The following CACNA2D3 variants were observed in gnomAD, a reference collection of about 807,000 sequenced individuals.
CACNA2D3 encodes the protein calcium voltage-gated channel auxiliary subunit alpha2delta 3, also known as voltage-dependent calcium channel subunit alpha-2/delta-3.
In CACNA2D3, 60 loss-of-function variants were observed where a neutral mutation model predicts 160.6. That is an observed-to-expected ratio of 0.37 (90% CI 0.30 to 0.46). The LOEUF (loss-of-function observed/expected upper bound fraction) is 0.46, where lower values mean the gene tolerates loss of function less well. Among genes scored for constraint, CACNA2D3 ranks in the 20% least tolerant of loss-of-function variants. The pLI is 1.00. For missense variants in CACNA2D3, 1,205 were observed against 1,365.0 expected (o/e 0.88, Z 1.85); for synonymous variants, 558 against 492.9 (o/e 1.13, Z -1.75).
chr3:54,235,359 C>T (rs1414702039), intron 2 of CACNA2D3, among the ~76,000 whole-genome samples: 6 of 152,190 alleles, frequency 3.9e-5, no homozygotes, highest in Admixed American at 3.3e-4. Context: ...GCTGCATCTG[C>T]TCGGCTTCTG....
intron 11 of CACNA2D3, among the ~76,000 whole-genome samples, chr3:54,744,171 T>C (rs1368379894): frequency 6.6e-6 from 1 of 152,210 alleles, no homozygotes; most frequent in Non-Finnish European, 1.5e-5. Context: ...GAATAGCTGA[T>C]ATCTGCTCTG....
rs756597920 is a variant in CACNA2D3, at chr3:54,333,187, C to T, written c.321+12629C>T. Among the ~76,000 whole-genome samples, 23 of 151,924 alleles carry T rather than the reference C, an allele frequency of 1.5e-4. No individual in the cohort carries two copies. The Middle Eastern group carries it at 0.01, about 67-fold the overall frequency. ...TGTGGTGGAATAGAGGTGGTCGATT[C>T]ATGTGTTTATTTCAATGTCTTCCTC... On this transcript the variant is annotated intron_variant, in intron 3 of 37. Coordinates refer to ENST00000474759, the MANE Select transcript of CACNA2D3 (RefSeq NM_018398.3).
At chr3:54,414,387 A>G (rs866700552) in intron 4 of CACNA2D3, among the ~76,000 whole-genome samples, 1 of 152,144 alleles carries the variant, frequency 6.6e-6, no homozygotes, top group Admixed American at 6.5e-5. Context: ...GATATTGACA[A>G]GTTTAAAGAC....
At chr3:54,597,032 G>T (rs149485826) in intron 9 of CACNA2D3, among the ~76,000 whole-genome samples, 1 of 152,128 alleles carries the variant, frequency 6.6e-6, no homozygotes, top group African/African-American at 2.4e-5. Flanking sequence ...ACAGCATAGG[G>T]TCAGGCTCTC....
At chr3:54,649,682 C>T (rs1026230693) in intron 11 of CACNA2D3, among the ~76,000 whole-genome samples, 8 of 152,090 alleles carry the variant, frequency 5.3e-5, no homozygotes, top group African/African-American at 1.9e-4. Flanking sequence ...CTTATAAGGA[C>T]ACTAATCCCA....
intron 29 of CACNA2D3, among the ~76,000 whole-genome samples, chr3:54,977,689 T>C (rs934800974): frequency 6.6e-6 from 1 of 152,152 alleles, no homozygotes; most frequent in Non-Finnish European, 1.5e-5. Context: ...CAACAGAGGT[T>C]AGCCGCCCCT....
chr3:54,399,595 C>T (rs1699409988), intron 4 of CACNA2D3, among the ~76,000 whole-genome samples: 1 of 26,196 alleles, frequency 3.8e-5, no homozygotes, highest in Non-Finnish European at 7.6e-5. Flanking sequence ...TGTCAGTGTG[C>T]CCCTGCTGGG....
intron 5 of CACNA2D3, among the ~76,000 whole-genome samples, chr3:54,546,709 C>G (rs561799332): frequency 4.7e-4 from 15 of 31,752 alleles, no homozygotes; most frequent in Admixed American, 9.4e-4. Context: ...CACACACACA[C>G]GCGCGCACAC....
intron 35 of CACNA2D3, among the ~76,000 whole-genome samples, chr3:55,068,240 C>T (rs1704714505): frequency 6.6e-6 from 1 of 152,208 alleles, no homozygotes; most frequent in Non-Finnish European, 1.5e-5. Flanking sequence ...ATCTGTGTGT[C>T]TCAGGCAGAG....
At chr3:54,987,018 G>A (rs1702629538) in intron 30 of CACNA2D3, among the ~76,000 whole-genome samples, 1 of 152,174 alleles carries the variant, frequency 6.6e-6, no homozygotes, top group South Asian at 2.1e-4. Context: ...CCTGGTGGTG[G>A]GGAATGACTG....
intron 2 of CACNA2D3, among the ~76,000 whole-genome samples, chr3:54,157,739 C>T (rs1002768584): frequency 5.3e-5 from 8 of 150,436 alleles, no homozygotes; most frequent in East Asian, 2.0e-4. Context: ...TGCAGCGAGC[C>T]GAGATGGCGC....
At chr3:54,963,899 G>A (rs1702087456) in intron 27 of CACNA2D3, among the ~76,000 whole-genome samples, 1 of 152,242 alleles carries the variant, frequency 6.6e-6, no homozygotes, top group Non-Finnish European at 1.5e-5. Context: ...GTTGGGAAAA[G>A]AGGAAGTCTG....
intron 11 of CACNA2D3, among the ~76,000 whole-genome samples, chr3:54,701,410 C>G (rs1575430015): frequency 6.6e-6 from 1 of 152,182 alleles, no homozygotes; most frequent in African/African-American, 2.4e-5. Context: ...TCCATCCTCT[C>G]TATATCTAAT....
At chr3:54,151,456 G>A (rs913523853) in intron 2 of CACNA2D3, among the ~76,000 whole-genome samples, 1 of 152,124 alleles carries the variant, frequency 6.6e-6, no homozygotes, top group African/African-American at 2.4e-5. Flanking sequence ...ATGAATTTCT[G>A]AGTGGAGATA....
intron 21 of CACNA2D3, 149 bp from the exon 22 acceptor site, chr3:54,885,132 A>G (rs949428571): frequency 2.8e-6 from 2 of 708,034 alleles, no homozygotes; most frequent in African/African-American, 1.8e-5. Context: ...TATTTTCCTC[A>G]GAAAATAAAC....
chr3:54,712,697 A>T (rs1700975133), intron 11 of CACNA2D3, among the ~76,000 whole-genome samples: 1 of 152,218 alleles, frequency 6.6e-6, no homozygotes, highest in Non-Finnish European at 1.5e-5. Flanking sequence ...ACTAATACAA[A>T]GAGAATGTGT....
chr3:54,299,733 G>A (rs569020191), intron 2 of CACNA2D3, among the ~76,000 whole-genome samples: 8 of 152,302 alleles, frequency 5.3e-5, no homozygotes, highest in East Asian at 1.9e-4. Flanking sequence ...TTTGAAAAGC[G>A]TCCCCCGGGG....
chr3:54,627,416 G>T (rs1395870684), intron 9 of CACNA2D3, among the ~76,000 whole-genome samples: 1 of 152,190 alleles, frequency 6.6e-6, no homozygotes, highest in Non-Finnish European at 1.5e-5. Context: ...TTGAGAGTGG[G>T]TTCCCAGTGG....
At chr3:54,316,169 G>A (rs1211762001) in intron 2 of CACNA2D3, among the ~76,000 whole-genome samples, 4 of 151,934 alleles carry the variant, frequency 2.6e-5, no homozygotes, top group African/African-American at 9.7e-5. Context: ...ACTATTTCCT[G>A]TATTCTTTGA....
Sources: allele counts gnomAD v4.1 joint callset (sites outside exome capture counted in the v4.1 genomes callset), GRCh38; gene constraint gnomAD v4.1.1; transcripts MANE v1.5; gene names NCBI Gene and HGNC (gene_info 2026-07-23, HGNC 2026-07-21).